TSHZ3: variants seen among roughly 807,000 people sequenced by gnomAD.
TSHZ3 encodes teashirt zinc finger homeobox 3.
TSHZ3 carries 10 observed loss-of-function variants against 64.5 expected under a neutral mutation model. The ratio of observed to expected loss-of-function variants is 0.16; its 90% CI spans 0.10 to 0.26. The LOEUF is 0.26. TSHZ3 is among the 10% of genes least tolerant of loss of function. The pLI is 1.00. For missense variants in TSHZ3, 1,242 were observed against 1,421.7 expected (o/e 0.87, Z 2.03); for synonymous variants, 608 against 593.1 (o/e 1.03, Z -0.36).
intron 5 of TSHZ3, among the ~76,000 whole-genome samples, chr19:31,192,573 T>C (rs1241073627): frequency 6.6e-6 from 1 of 152,252 alleles, no homozygotes; most frequent in African/African-American, 2.4e-5. Context: ...TATAGCACTT[T>C]GGCCCTTTAA....
At chr19:31,343,806 C>T (rs1166668029) in intron 1 of TSHZ3, among the ~76,000 whole-genome samples, 1 of 150,854 alleles carries the variant, frequency 6.6e-6, no homozygotes, top group Non-Finnish European at 1.5e-5. Context: ...AAAGAAAATC[C>T]AGAAACAGGG....
chr19:31,153,857 T>C (rs565847208), intron 6 of TSHZ3, among the ~76,000 whole-genome samples: 1 of 152,350 alleles, frequency 6.6e-6, no homozygotes, highest in African/African-American at 2.4e-5. Context: ...ATTACAAAAA[T>C]ATCACCTTTG....
intron 5 of TSHZ3, among the ~76,000 whole-genome samples, chr19:31,184,360 C>A (rs992757361): frequency 6.6e-6 from 1 of 152,130 alleles, no homozygotes; most frequent in African/African-American, 2.4e-5. Context: ...TGTTGAAACA[C>A]CTTTTGGCCT....
intron 1 of TSHZ3, among the ~76,000 whole-genome samples, chr19:31,284,651 TC>T (rs564047079): frequency 1.8e-3 from 274 of 152,140 alleles, no homozygotes; most frequent in Admixed American, 5.4e-3. Flanking sequence ...AACCCACCCT[TC>T]CCCGGGCCTC....
rs370771716 is a variant in TSHZ3 at position 31,279,729 on chromosome 19, C to G, written c.64G>C (p.Ala22Pro). 3 of 1,508,478 alleles carry G rather than the reference C, an allele frequency of 2.0e-6. No individual in the cohort carries two copies. The highest frequency in any genetic ancestry group is 2.8e-5 in the African/African-American group (2 of 71,490). The allele number at this position is 1,508,478 out of a possible 1,614,324, so 93.4% of individuals were successfully genotyped here. ...AAACCTTCGTCCACCAGGGCAGCAGCCTTTAACTCTTCGGAAACATAGGCT... is the reference window on the plus strand; with the variant it reads ...AAACCTTCGTCCACCAGGGCAGCAGGCTTTAACTCTTCGGAAACATAGGCT... Reference protein sequence around the residue: ...AAAYVSEELKAAALVDEGLDP... With the variant: ...AAAYVSEELKPAALVDEGLDP... The change falls in exon 2 of 2, where the codon GCT (alanine) becomes CCT (proline). Residue 22 changes from alanine (A) to proline (P), a missense_variant. By Grantham distance (27) the Ala-to-Pro change is conservative (BLOSUM62 -1). This residue lies in a region of TSHZ3 where 555 missense variants were observed against 704.0 expected (regional missense o/e 0.79). Transcript: ENST00000240587. The surrounding 1 kb of genome is among the most constrained non-coding windows in gnomAD (Gnocchi z 6.4).
chr19:31,277,701 G>A lies in TSHZ3; in HGVS notation c.2092C>T (p.Leu698=), dbSNP rs1459954804. ...VENGKELVKP[L]ASSLSGSTAI... ...GTGCTGCCACTCAAACTGCTGGCTA[G>A]GGGCTTCACCAGCTCCTTGCCATTC... The change falls in exon 2 of 2, where the codon CTA becomes TTA. Residue 698 remains leucine, a synonymous_variant. Transcript: ENST00000240587. The surrounding 1 kb of genome is among the most constrained non-coding windows in gnomAD (Gnocchi z 4.5). 8 of 1,527,232 alleles carry A rather than the reference G, an allele frequency of 5.2e-6. No homozygotes were observed. Among genetic ancestry groups the A allele is most frequent in the Non-Finnish European group, 7.0e-6 (8 of 1,139,666 alleles). 94.6% of individuals were successfully genotyped at this position (1,527,232 alleles called of 1,614,324 possible). A position where few individuals can be genotyped will look rare whatever the true frequency, so the allele number is the denominator to read the frequency against.
intron 5 of TSHZ3, among the ~76,000 whole-genome samples, chr19:31,203,469 A>G (rs1473140990): frequency 6.6e-6 from 1 of 152,154 alleles, no homozygotes; most frequent in Non-Finnish European, 1.5e-5. Context: ...TGCTCCTTAG[A>G]AAACAGACTG....
intron 5 of TSHZ3, among the ~76,000 whole-genome samples, chr19:31,201,198 A>T (rs1233687077): frequency 6.6e-6 from 1 of 152,192 alleles, no homozygotes; most frequent in Non-Finnish European, 1.5e-5. Context: ...GGCAAATTGT[A>T]ATCATTTGAT....
At chr19:31,165,622 G>A (rs1974439007) in intron 5 of TSHZ3, among the ~76,000 whole-genome samples, 1 of 152,102 alleles carries the variant, frequency 6.6e-6, no homozygotes, top group African/African-American at 2.4e-5. Flanking sequence ...ACAAAAATAA[G>A]GGGCTGTTCT....
At chr19:31,283,749 C>T (rs1976405625) in intron 1 of TSHZ3, among the ~76,000 whole-genome samples, 1 of 152,246 alleles carries the variant, frequency 6.6e-6, no homozygotes, top group Non-Finnish European at 1.5e-5. Flanking sequence ...CAACACTCAG[C>T]AAGTGGAGTA....
At chr19:31,333,705 C>T (rs1400617936) in intron 1 of TSHZ3, among the ~76,000 whole-genome samples, 1 of 152,122 alleles carries the variant, frequency 6.6e-6, no homozygotes, top group East Asian at 1.9e-4. Flanking sequence ...TGTCCCAGAG[C>T]TGCCTCTCCA....
chr19:31,242,494 G>A (rs530803981), exon 3 of TSHZ3, among the ~76,000 whole-genome samples: 1 of 152,258 alleles, frequency 6.6e-6, no homozygotes, highest in South Asian at 2.1e-4. Context: ...TCCAAAGGCA[G>A]CAGAAGATGG....
In TSHZ3 at chr19:31,182,487, G is replaced by A. The variant is rs16965192; in HGVS notation, n.809+22469C>T. ...TAGGTCACACCAAAATGCACAGCCC[G>A]TGATGAAAAATCCAAATCCTAGGCA... is the stretch of plus-strand genomic sequence containing the variant. On this transcript the variant is annotated intron_variant and non_coding_transcript_variant, in intron 5 of 6. Transcript: ENST00000651361. 1.3e-3 allele frequency among the ~76,000 whole-genome samples: 203 copies of A among 152,208 alleles called. 4 individuals are homozygous for A. In the East Asian group the frequency reaches 0.034, roughly 25 times the overall value.
chr19:31,211,915 G>A (rs954386037), intron 4 of TSHZ3, among the ~76,000 whole-genome samples: 1 of 152,180 alleles, frequency 6.6e-6, no homozygotes, highest in Non-Finnish European at 1.5e-5. Context: ...TCTGGACTGA[G>A]GCGTGTTGAG....
chr19:31,245,368 A>G (rs947212585), intron 1 of TSHZ3, among the ~76,000 whole-genome samples: 1 of 152,202 alleles, frequency 6.6e-6, no homozygotes, highest in Non-Finnish European at 1.5e-5. Context: ...ATGGCAAAAA[A>G]GATAGGGGGG....
Position 31,165,500 on chromosome 19 carries a change from A to G in TSHZ3, n.810-9083T>C, listed in dbSNP as rs888374939. Among the ~76,000 whole-genome samples, 6 of 152,296 alleles carry G rather than the reference A, an allele frequency of 3.9e-5. No homozygotes were observed. The East Asian group carries it at 9.7e-4, about 25-fold the overall frequency. On this transcript the variant is annotated intron_variant and non_coding_transcript_variant, in intron 5 of 6. Transcript: ENST00000651361. Reference sequence around the variant, plus strand: ...CTACCTAGAGCACAGATTGGATGTAAACGAAGTCATCCAAAGATAAAATAA... The same window carrying G: ...CTACCTAGAGCACAGATTGGATGTAGACGAAGTCATCCAAAGATAAAATAA...
chr19:31,175,605 C>T (rs1245801280), intron 5 of TSHZ3, among the ~76,000 whole-genome samples: 1 of 152,186 alleles, frequency 6.6e-6, no homozygotes, highest in Non-Finnish European at 1.5e-5. Flanking sequence ...GACAAGGTTC[C>T]TCCTTGGCAG....
At chr19:31,169,196 A>G (rs1260957165) in intron 5 of TSHZ3, among the ~76,000 whole-genome samples, 2 of 152,186 alleles carry the variant, frequency 1.3e-5, no homozygotes, top group African/African-American at 2.4e-5. Flanking sequence ...GGAATGTAAA[A>G]TAGTGCAGCC....
At chr19:31,249,441 G>C (rs927482712) in intron 1 of TSHZ3, among the ~76,000 whole-genome samples, 1 of 152,080 alleles carries the variant, frequency 6.6e-6, no homozygotes, top group African/African-American at 2.4e-5. Flanking sequence ...CTGTCTGCCC[G>C]GGTCAACTGA....
Sources: gnomAD v4.1 joint callset for allele counts (sites outside exome capture counted in the v4.1 genomes callset) on GRCh38, gnomAD v4.1.1 for gene constraint, gnomAD v4.1.1 regional missense constraint, Gnocchi (gnomAD v3.1) non-coding constraint, MANE v1.5 for transcripts, NCBI Gene and HGNC (gene_info 2026-07-23, HGNC 2026-07-21) for gene names.